Variants in AGO1 observed in about 807,000 individuals in gnomAD.
The protein encoded by AGO1 is protein argonaute-1.
AGO1 carries 11 observed loss-of-function variants against 109.2 expected under a neutral mutation model. The observed-to-expected ratio is 0.10, with a 90% confidence interval of 0.06 to 0.17. The LOEUF is 0.17. Ranked by LOEUF, AGO1 falls within the 10% of genes least tolerant of loss-of-function variation. The probability of loss-of-function intolerance (pLI) is 1.00; values close to 1 mark genes in which losing one functional copy is unlikely to be tolerated. For synonymous variants in AGO1, 422 were observed against 418.6 expected (o/e 1.01, Z -0.10); for missense variants, 574 against 1,140.3 (o/e 0.50, Z 7.15).
At chr1:35,874,201 G>A (rs528001626) in intron 1 of AGO1, among the ~76,000 whole-genome samples, 59 of 152,160 alleles carry the variant, frequency 3.9e-4, no homozygotes, top group South Asian at 1.0e-3. Flanking sequence ...GTCTCATTCT[G>A]TCACCGGGGT....
Position 35,893,631 on chromosome 1 carries a change from G to T in AGO1, c.513-43G>T. The T allele has an allele frequency of 6.4e-7, 1 of 1,571,174 alleles. No individual in the cohort carries two copies. Among genetic ancestry groups the T allele is most frequent in the Non-Finnish European group, 8.7e-7 (1 of 1,154,800 alleles). The stretch of plus-strand genomic sequence containing the variant: ...GTGCCCAGGATGCCTCACAGGGTGG[G>T]GGCCTGTGCCCGAGGGACCAGTTCT... On this transcript the variant is annotated intron_variant, in intron 4 of 18. Transcript: ENST00000373204. This position sits in a 1 kb window ranked among gnomAD's most constrained non-coding sequence, Gnocchi z 5.6.
chr1:35,915,596 T>C (rs1571376146), intron 15 of AGO1, 54 bp downstream of exon 15: 4 of 1,519,886 alleles, frequency 2.6e-6, no homozygotes, highest in Non-Finnish European at 3.6e-6. Flanking sequence ...GAAAGCTAGG[T>C]GCTACTACCT....
intron 12 of AGO1, among the ~76,000 whole-genome samples, chr1:35,908,493 T>C (rs1571366602): frequency 6.6e-6 from 1 of 152,198 alleles, no homozygotes; most frequent in Non-Finnish European, 1.5e-5. Flanking sequence ...CTTTGGCCTC[T>C]CTCCCTCTCT....
chr1:35,893,858 C>A lies in AGO1; in HGVS notation c.649+48C>A. On this transcript the variant is annotated intron_variant, in intron 5 of 18. Coordinates refer to ENST00000373204, the MANE Select transcript of AGO1 (RefSeq NM_012199.5). This position sits in a 1 kb window ranked among gnomAD's most constrained non-coding sequence, Gnocchi z 5.6. ...CCAGGGGCACCCCAAGTCCAGTGAC[C>A]ACACTCCCAGCCTCATCCCTCCCAG... 2.5e-6 allele frequency: 4 copies of A among 1,586,550 alleles called. No individual in the cohort carries two copies. Among genetic ancestry groups the A allele is most frequent in the Non-Finnish European group, 3.4e-6 (4 of 1,163,394 alleles).
rs1213741177 is a variant in AGO1 at position 35,915,510 on chromosome 1, C to A, written c.1996C>A (p.Arg666=). The part of the protein sequence containing the change: ...RFKPTRIIFY[R]DGVPEGQLPQ... ...CAAGCCTACCCGCATCATCTTCTACCGAGATGGGGTGCCTGAAGGCCAGCT... is the reference window on the plus strand; with the variant it reads ...CAAGCCTACCCGCATCATCTTCTACAGAGATGGGGTGCCTGAAGGCCAGCT... Residue 666 remains arginine, a synonymous_variant, in exon 15 of 19, where the codon CGA becomes AGA. Transcript: ENST00000373204. The A allele has an allele frequency of 6.2e-7, 1 of 1,614,118 alleles. No homozygotes were observed. Among genetic ancestry groups the A allele is most frequent in the Non-Finnish European group, 8.5e-7 (1 of 1,180,028 alleles).
rs1487736618 is a variant in AGO1 at position 35,925,130 on chromosome 1, A to G, written c.*5523A>G. 1 of 151,998 alleles carries G rather than the reference A, an allele frequency of 6.6e-6. No individual in the cohort carries two copies. Among genetic ancestry groups the G allele is most frequent in the African/African-American group, 2.4e-5 (1 of 41,362 alleles). The allele number at this position is 151,998 out of a possible 1,614,324, so 9.4% of individuals were successfully genotyped here. ...CCAGTTTGGTGAGGTAGGAGAAGAA[A>G]TCAGAGTAGAAGAAGGTTCATGAAG... On this transcript the variant is annotated 3_prime_UTR_variant, in exon 19 of 19. Transcript: ENST00000373204.
intron 1 of AGO1, among the ~76,000 whole-genome samples, chr1:35,874,701 A>G (rs370045751): frequency 6.6e-6 from 1 of 152,240 alleles, no homozygotes; most frequent in East Asian, 1.9e-4. Context: ...AAAGCTGAGA[A>G]GGCCAAAAGT....
Position 35,892,799 on chromosome 1 carries a change from G to A in AGO1, c.330+122G>A, listed in dbSNP as rs551226452. On this transcript the variant is annotated intron_variant, in intron 3 of 18. Transcript: ENST00000373204. ...TTGTGCTGAGAAAGTATGTTTTAGG[G>A]TGAGGGGTGGGTAGGTGCTGATGTT... 4.3e-4 allele frequency: 599 copies of A among 1,387,590 alleles called. 1 individual carries two copies. The Middle Eastern group carries it at 4.9e-3, about 11-fold the overall frequency. 86.0% of individuals were successfully genotyped at this position (1,387,590 alleles called of 1,614,324 possible). A position where few individuals can be genotyped will look rare whatever the true frequency, so the allele number is the denominator to read the frequency against.
At position 35,919,786 on chromosome 1, in the gene AGO1, C is replaced by T; in HGVS notation, c.*179C>T. ...GGAACAGGGCCAGCAAGACAGACCA[C>T]CAGCCAGAAATCTCTGATATCAACC... On this transcript the variant is annotated 3_prime_UTR_variant, in exon 19 of 19. Transcript: ENST00000373204. The surrounding 1 kb of genome is among the most constrained non-coding windows in gnomAD (Gnocchi z 6.6). 1.7e-6 allele frequency: 1 copy of T among 588,094 alleles called. No homozygotes were observed. Among genetic ancestry groups the T allele is most frequent in the Non-Finnish European group, 3.0e-6 (1 of 334,772 alleles). 36.4% of individuals were successfully genotyped at this position (588,094 alleles called of 1,614,324 possible).
intron 1 of AGO1, among the ~76,000 whole-genome samples, chr1:35,876,457 T>G (rs532658586): frequency 7.8e-4 from 118 of 152,048 alleles, no homozygotes; most frequent in East Asian, 2.5e-3. Context: ...TAGTAGAGAC[T>G]GGGTTTTACC....
chr1:35,916,841 CTTAA>C (rs1557623062), intron 15 of AGO1, among the ~76,000 whole-genome samples: 1 of 152,210 alleles, frequency 6.6e-6, no homozygotes, highest in Non-Finnish European at 1.5e-5. Context: ...TATGCTTTTA[CTTAA>C]TTGTCTATCG....
intron 15 of AGO1, 128 bp downstream of exon 15, chr1:35,915,670 C>A: frequency 1.1e-6 from 1 of 881,870 alleles, no homozygotes; most frequent in Non-Finnish European, 1.7e-6. Flanking sequence ...ATGGAGTAGA[C>A]TTGGGGGCAA....
Position 35,925,085 on chromosome 1 carries a change from T to G in AGO1, c.*5478T>G. 6.6e-6 allele frequency: 1 copy of G among 152,006 alleles called. No homozygotes were observed. The highest frequency in any genetic ancestry group is 1.5e-5 in the Non-Finnish European group (1 of 68,016). The allele number at this position is 152,006 out of a possible 1,614,324, so 9.4% of individuals were successfully genotyped here. On this transcript the variant is annotated 3_prime_UTR_variant, in exon 19 of 19. Transcript: ENST00000373204. ...AGATCACTGGTAGACAGTTTGTGGG[T>G]TTTTTGTTTCTTTGTTTAGCCAGTT...
intron 16 of AGO1, among the ~76,000 whole-genome samples, 154 bp downstream of exon 16, chr1:35,917,881 G>A (rs1257611631): frequency 1.3e-5 from 2 of 151,790 alleles, no homozygotes; most frequent in Non-Finnish European, 2.9e-5. Context: ...TCCTTCCTCT[G>A]CCACCGCCTT....
intron 2 of AGO1, among the ~76,000 whole-genome samples, chr1:35,889,689 T>C (rs1341079899): frequency 6.6e-6 from 1 of 151,568 alleles, no homozygotes; most frequent in Non-Finnish European, 1.5e-5. Flanking sequence ...AATTAGATTT[T>C]TCTTTCTCCC....
intron 1 of AGO1, among the ~76,000 whole-genome samples, chr1:35,876,233 G>A (rs1418519357): frequency 1.3e-5 from 2 of 151,858 alleles, no homozygotes; most frequent in Non-Finnish European, 2.9e-5. Flanking sequence ...GATAAAACTT[G>A]AACAGATGAG....
At chr1:35,912,963 C>T (rs1287786945) in intron 12 of AGO1, among the ~76,000 whole-genome samples, 1 of 151,990 alleles carries the variant, frequency 6.6e-6, no homozygotes, top group African/African-American at 2.4e-5. Context: ...TAACTTGAGT[C>T]CCTTAAATAT....
intron 8 of AGO1, among the ~76,000 whole-genome samples, chr1:35,896,343 T>C (rs1388169679): frequency 6.6e-6 from 1 of 151,358 alleles, no homozygotes; most frequent in East Asian, 1.9e-4. Context: ...TACATTAACG[T>C]TGGAGAAGCA....
Position 35,894,109 on chromosome 1 carries a change from T to C in AGO1, c.722T>C (p.Ile241Thr). The C allele has an allele frequency of 6.3e-7, 1 of 1,591,214 alleles. No individual in the cohort carries two copies. Residue 241 changes from isoleucine to threonine, a missense_variant, in exon 6 of 19, where the codon ATA becomes ACA. Transcript: ENST00000373204. ...FMCEVLDIRN[I>T]DEQPKPLTDS... ...TGTGAGGTGCTGGACATCAGGAACA[T>C]AGATGAGCAGCCCAAGCCCCTCACG...
Sources: allele counts gnomAD v4.1 joint callset (sites outside exome capture counted in the v4.1 genomes callset), GRCh38; gene constraint gnomAD v4.1.1; non-coding constraint Gnocchi (gnomAD v3.1); transcripts MANE v1.5; gene names NCBI Gene and HGNC (gene_info 2026-07-23, HGNC 2026-07-21).